The following NOS1AP variants were observed in gnomAD, a reference collection of about 807,000 sequenced individuals.
NOS1AP encodes nitric oxide synthase 1 adaptor protein.
In NOS1AP, 21 loss-of-function variants were observed where a neutral mutation model predicts 56.2. The ratio of observed to expected loss-of-function variants is 0.37; its 90% CI spans 0.26 to 0.54. The LOEUF is 0.54. Ranked by LOEUF, NOS1AP falls within the 20% of genes least tolerant of loss-of-function variation. NOS1AP has a pLI of 0.84. For missense variants in NOS1AP, 522 were observed against 657.8 expected (o/e 0.79, Z 2.26); for synonymous variants, 270 against 274.6 (o/e 0.98, Z 0.17).
At chr1:162,177,283 A>T (rs1651096953) in intron 2 of NOS1AP, among the ~76,000 whole-genome samples, 1 of 152,206 alleles carries the variant, frequency 6.6e-6, no homozygotes, top group Non-Finnish European at 1.5e-5. Context: ...CTTAACCCTG[A>T]TTCCTGAAAG....
intron 1 of NOS1AP, among the ~76,000 whole-genome samples, chr1:162,139,832 C>CTTT (rs955031658): frequency 6.8e-6 from 1 of 147,736 alleles, no homozygotes; most frequent in Non-Finnish European, 1.5e-5. Flanking sequence ...TGCCGTCTTA[C>CTTT]TTTTTTTTTT....
intron 2 of NOS1AP, among the ~76,000 whole-genome samples, chr1:162,255,391 TCTC>T (rs1653992143): frequency 1.3e-5 from 2 of 151,920 alleles, no homozygotes; most frequent in East Asian, 1.9e-4. Flanking sequence ...CAAACAGTGT[TCTC>T]CTCTCTTGTG....
intron 2 of NOS1AP, among the ~76,000 whole-genome samples, chr1:162,267,717 T>C (rs1341754171): frequency 1.3e-5 from 2 of 151,876 alleles, no homozygotes; most frequent in Non-Finnish European, 2.9e-5. Context: ...GAGCTATGAG[T>C]GCACTACTGC....
chr1:162,332,047 C>T (rs931913367), intron 4 of NOS1AP, among the ~76,000 whole-genome samples: 1 of 152,216 alleles, frequency 6.6e-6, no homozygotes, highest in African/African-American at 2.4e-5. Context: ...TCAAAGCCTT[C>T]TACATTTTGG....
chr1:162,088,911 T>C (rs1342958401), intron 1 of NOS1AP, among the ~76,000 whole-genome samples: 2 of 152,136 alleles, frequency 1.3e-5, no homozygotes, highest in Non-Finnish European at 2.9e-5. Context: ...ATACATACAA[T>C]CTGGAGACCG....
At chr1:162,253,746 T>C (rs891166489) in intron 2 of NOS1AP, among the ~76,000 whole-genome samples, 18 of 152,228 alleles carry the variant, frequency 1.2e-4, no homozygotes, top group African/African-American at 4.1e-4. Context: ...AGCAGACTTA[T>C]CTTCTGGGTT....
chr1:162,147,420 CAGA>C (rs1256342239), intron 1 of NOS1AP, among the ~76,000 whole-genome samples: 1 of 151,816 alleles, frequency 6.6e-6, no homozygotes, highest in Non-Finnish European at 1.5e-5. Context: ...AAGGAGTTTC[CAGA>C]AGAAGGTGAT....
At chr1:162,297,500 C>T (rs796124170) in intron 3 of NOS1AP, among the ~76,000 whole-genome samples, 9 of 152,220 alleles carry the variant, frequency 5.9e-5, no homozygotes, top group African/African-American at 2.2e-4. Context: ...GCCTGAGACT[C>T]CAGAGGAGTG....
At chr1:162,116,185 C>T (rs538015974) in intron 1 of NOS1AP, among the ~76,000 whole-genome samples, 4 of 152,244 alleles carry the variant, frequency 2.6e-5, no homozygotes, top group African/African-American at 9.6e-5. Context: ...GAAGCGGGGT[C>T]GTGACTCACT....
At chr1:162,107,948 C>T (rs937384855) in intron 1 of NOS1AP, among the ~76,000 whole-genome samples, 1 of 140,870 alleles carries the variant, frequency 7.1e-6, no homozygotes, top group African/African-American at 2.6e-5. Flanking sequence ...GAAACATTGA[C>T]ATTTGAACAA....
At chr1:162,291,691 A>C (rs1655288117) in intron 3 of NOS1AP, among the ~76,000 whole-genome samples, 1 of 152,214 alleles carries the variant, frequency 6.6e-6, no homozygotes, top group South Asian at 2.1e-4. Flanking sequence ...CAAATATCTA[A>C]AAATGCTGTC....
intron 5 of NOS1AP, among the ~76,000 whole-genome samples, chr1:162,340,064 C>A (rs1657060468): frequency 6.6e-6 from 1 of 152,100 alleles, no homozygotes; most frequent in Non-Finnish European, 1.5e-5. Flanking sequence ...AAGGGCAATT[C>A]TTTTATGTGT....
chr1:162,176,726 C>CTTGATCTG (rs1651075771), intron 2 of NOS1AP, among the ~76,000 whole-genome samples: 1 of 152,060 alleles, frequency 6.6e-6, no homozygotes, highest in Non-Finnish European at 1.5e-5. Flanking sequence ...CCAAGATGGT[C>CTTGATCTG]TTGATCTCTT....
In NOS1AP at chr1:162,300,677, G is replaced by A; in HGVS notation, c.315G>A (p.Lys105=). ...AGGAATGGACGTGGGATGAGAGCAAGATGCTGGTGATGCAGGACCCCATCT... is the reference window on the plus strand; with the variant it reads ...AGGAATGGACGTGGGATGAGAGCAAAATGCTGGTGATGCAGGACCCCATCT... The part of the protein sequence containing the change: ...QKKEWTWDES[K]MLVMQDPIYR... The change falls in exon 4 of 10, where the codon AAG becomes AAA. Residue 105 remains lysine, a synonymous_variant. Coordinates refer to ENST00000361897, the MANE Select transcript of NOS1AP (RefSeq NM_014697.3). 1 of 1,614,076 alleles carries A rather than the reference G, an allele frequency of 6.2e-7. No homozygotes were observed. The highest frequency in any genetic ancestry group is 1.1e-5 in the South Asian group (1 of 91,074).
chr1:162,281,873 C>A (rs1443177381), intron 2 of NOS1AP, among the ~76,000 whole-genome samples: 1 of 152,218 alleles, frequency 6.6e-6, no homozygotes, highest in African/African-American at 2.4e-5. Flanking sequence ...GTAATCCAAG[C>A]ACTTTGGGAG....
At chr1:162,200,069 T>A (rs1473916564) in intron 2 of NOS1AP, among the ~76,000 whole-genome samples, 2 of 152,120 alleles carry the variant, frequency 1.3e-5, no homozygotes, top group Non-Finnish European at 2.9e-5. Context: ...TTGGCTTGGG[T>A]TCTTCCATTT....
intron 4 of NOS1AP, among the ~76,000 whole-genome samples, chr1:162,310,327 G>C (rs752028963): frequency 3.3e-5 from 5 of 152,218 alleles, no homozygotes; most frequent in Non-Finnish European, 7.3e-5. Flanking sequence ...TACTGTTTCT[G>C]TAAGGTTGAG....
chr1:162,285,496 T>A (rs6680461), intron 2 of NOS1AP, among the ~76,000 whole-genome samples: 3 of 151,966 alleles, frequency 2.0e-5, no homozygotes, highest in African/African-American at 7.3e-5. Context: ...TGTCCTCAAG[T>A]GCATGCCAAT....
chr1:162,154,371 C>T (rs1649844074), intron 1 of NOS1AP, 34 bp from the exon 2 acceptor site: 2 of 1,605,542 alleles, frequency 1.2e-6, no homozygotes, highest in East Asian at 2.2e-5. Flanking sequence ...CTTGCTACCC[C>T]TCCTCTCAAT....
Sources: gnomAD v4.1 joint callset for allele counts (sites outside exome capture counted in the v4.1 genomes callset) on GRCh38, gnomAD v4.1.1 for gene constraint, MANE v1.5 for transcripts, NCBI Gene and HGNC (gene_info 2026-07-23, HGNC 2026-07-21) for gene names.